C4orf54: variants seen among roughly 807,000 people sequenced by gnomAD.
C4orf54 encodes the protein chromosome 4 open reading frame 54.
Under a neutral mutation model 80.1 loss-of-function variants are expected in C4orf54, and 67 were observed. The ratio of observed to expected loss-of-function variants is 0.84; its 90% CI spans 0.69 to 1.03. The LOEUF (loss-of-function observed/expected upper bound fraction) is 1.03, where lower values mean the gene tolerates loss of function less well. C4orf54 is among the 50% of genes least tolerant of loss of function. The pLI, the probability that C4orf54 is intolerant of heterozygous loss-of-function variation, is 0.00. For missense variants in C4orf54, 2,434 were observed against 2,253.5 expected (o/e 1.08, Z -1.62); for synonymous variants, 1,000 against 917.0 (o/e 1.09, Z -1.64).
chr4:99,650,137 A>G lies in C4orf54; in HGVS notation c.4512T>C (p.Cys1504=). Residue 1504 remains cysteine (C), a synonymous_variant, in exon 2 of 3, where the codon TGT becomes TGC. Coordinates refer to ENST00000511828, the MANE Select transcript of C4orf54 (RefSeq NM_001354435.2). Reference sequence around the variant, plus strand: ...TGCGGGCACTCAGCGGGGGTAAACTACAGAGAGTGGCAGCTGAGGAGTTGG... The same window carrying G: ...TGCGGGCACTCAGCGGGGGTAAACTGCAGAGAGTGGCAGCTGAGGAGTTGG... ...GPPNSSAATL[C]SLPPLSARSQ... 1 of 1,535,886 alleles carries G rather than the reference A, an allele frequency of 6.5e-7. No homozygotes were observed. Among genetic ancestry groups the G allele is most frequent in the South Asian group, 1.2e-5 (1 of 84,046 alleles).
At chr4:99,648,299 A>C (rs1199739209) in intron 2 of C4orf54, among the ~76,000 whole-genome samples, 1 of 152,156 alleles carries the variant, frequency 6.6e-6, no homozygotes, top group African/African-American at 2.4e-5. Flanking sequence ...CTGTATTTCC[A>C]GGGATTCCTG....
chr4:99,651,754 C>T lies in C4orf54; in HGVS notation c.2895G>A (p.Lys965=), dbSNP rs1560639203. 2 of 1,536,092 alleles carry T rather than the reference C, an allele frequency of 1.3e-6. No individual in the cohort carries two copies. The highest frequency in any genetic ancestry group is 1.2e-5 in the South Asian group (1 of 84,048). ...CCCGCCAGTCGCCTCCTTTGGGCAG[C>T]TTCAGCTTCCCTATAGGGGCTTGTT... ...REEQAPIGKL[K]LPKGGDWRAD... is the part of the protein sequence containing the mutation. Residue 965 remains lysine, a synonymous_variant, in exon 2 of 3, where the codon AAG becomes AAA. Transcript: ENST00000511828.
chr4:99,649,731 T>A lies in C4orf54; in HGVS notation c.4918A>T (p.Thr1640Ser). Reference protein sequence around the residue: ...PMTRRLFDPETGQYVDVPMTS... With the variant: ...PMTRRLFDPESGQYVDVPMTS... The stretch of plus-strand genomic sequence containing the variant: ...ATGGGCACATCCACATACTGCCCTG[T>A]CTCAGGGTCAAACAGTCTCCGGGTC... Residue 1640 changes from threonine to serine, a missense_variant, in exon 2 of 3, where the codon ACA (threonine) becomes TCA (serine). Coordinates refer to ENST00000511828, the MANE Select transcript of C4orf54 (RefSeq NM_001354435.2). 1 of 1,536,138 alleles carries A rather than the reference T, an allele frequency of 6.5e-7. No individual in the cohort carries two copies. The highest frequency in any genetic ancestry group is 1.2e-5 in the South Asian group (1 of 84,056).
chr4:99,656,390 G>T (rs556403593), intron 1 of C4orf54, among the ~76,000 whole-genome samples: 2 of 151,234 alleles, frequency 1.3e-5, no homozygotes, highest in Non-Finnish European at 2.9e-5. Flanking sequence ...AGCAATTCTC[G>T]TACCTCAGCC....
At position 99,652,146 on chromosome 4, in the gene C4orf54, T is replaced by G. The variant is rs759124229; in HGVS notation, c.2503A>C (p.Met835Leu). The G allele has an allele frequency of 1.3e-6, 2 of 1,536,098 alleles. No homozygotes were observed. The highest frequency in any genetic ancestry group is 2.4e-5 in the South Asian group (2 of 84,062). Residue 835 changes from methionine to leucine, a missense_variant, in exon 2 of 3, where the codon ATG (methionine) becomes CTG (leucine). Coordinates refer to ENST00000511828, the MANE Select transcript of C4orf54 (RefSeq NM_001354435.2). ...CCTGAGAGGTGGTGGGATGTATCCA[T>G]GACTTCTCCCCTCTCCATTTTGAAC... ...HEFKMERGEV[M>L]DTSHHLSGTS... is the part of the protein sequence containing the mutation.
At chr4:99,643,792 A>ACACACACACACACACAC (rs61130907) in intron 2 of C4orf54, among the ~76,000 whole-genome samples, 2 of 98,860 alleles carry the variant, frequency 2.0e-5, no homozygotes, top group East Asian at 3.1e-4. Flanking sequence ...ACACACACAC[A>ACACACACACACACACAC]CCCCCTCCGC....
Position 99,653,124 on chromosome 4 carries a change from C to A in C4orf54, c.1525G>T (p.Ala509Ser), listed in dbSNP as rs1468765798. The A allele has an allele frequency of 2.0e-6, 3 of 1,536,142 alleles. No individual in the cohort carries two copies. The highest frequency in any genetic ancestry group is 1.2e-5 in the South Asian group (1 of 84,062). ...CTTGCTGCACTCCCACAGCTGCTTG[C>A]GGCGGCGGCTGCTGCCCCTGAAGCT... ...EAASGAAAAAASSCGSAASQI... is the reference protein window; with the variant it reads ...EAASGAAAAASSSCGSAASQI... The change falls in exon 2 of 3, where the codon GCA becomes TCA. Residue 509 changes from alanine (A) to serine (S), a missense_variant. By Grantham distance (99) the Ala-to-Ser change is moderately conservative. Transcript: ENST00000511828.
chr4:99,650,909 G>A lies in C4orf54; in HGVS notation c.3740C>T (p.Thr1247Met). The A allele has an allele frequency of 6.5e-7, 1 of 1,536,022 alleles. No individual in the cohort carries two copies. Among genetic ancestry groups the A allele is most frequent in the Non-Finnish European group, 8.7e-7 (1 of 1,146,824 alleles). ...CTCCAGGGCATTCCGGGCTGGCTTC[G>A]TGGCTTTCCCTTCCTCCTTGACCTC... ...EEEVKEEGKA[T>M]KPARNALEKL... Residue 1247 changes from threonine to methionine, a missense_variant, in exon 2 of 3, where the codon ACG (threonine) becomes ATG (methionine). Coordinates refer to ENST00000511828, the MANE Select transcript of C4orf54 (RefSeq NM_001354435.2).
At position 99,649,926 on chromosome 4, in the gene C4orf54, G is replaced by C; in HGVS notation, c.4723C>G (p.Gln1575Glu). 1 of 1,530,046 alleles carries C rather than the reference G, an allele frequency of 6.5e-7. No homozygotes were observed. The highest frequency in any genetic ancestry group is 8.8e-7 in the Non-Finnish European group (1 of 1,142,242). The allele number at this position is 1,530,046 out of a possible 1,614,324, so 94.8% of individuals were successfully genotyped here. A position where few individuals can be genotyped will look rare whatever the true frequency, so the allele number is the denominator to read the frequency against. Residue 1575 changes from glutamine to glutamate, a missense_variant, in exon 2 of 3, where the codon CAG becomes GAG. Coordinates refer to ENST00000511828, the MANE Select transcript of C4orf54 (RefSeq NM_001354435.2). Reference sequence around the variant, plus strand: ...CTGGGTGGGGAGAAGCAGAGGACCTGAGGCTGGGCCCCCTGTAGGGTGAAG... The same window carrying C: ...CTGGGTGGGGAGAAGCAGAGGACCTCAGGCTGGGCCCCCTGTAGGGTGAAG... ...LPFTLQGAQP[Q>E]VLCFSPPSMP...
At position 99,654,158 on chromosome 4, in the gene C4orf54, C is replaced by G. The variant is rs932279704; in HGVS notation, c.491G>C (p.Gly164Ala). ...SKARQAEVGD[G>A]VSSAQDSQEL... Reference sequence around the variant, plus strand: ...CTGGCTGTCTTGAGCACTGCTCACCCCGTCCCCCACCTCCGCCTGTCTTGC... The same window carrying G: ...CTGGCTGTCTTGAGCACTGCTCACCGCGTCCCCCACCTCCGCCTGTCTTGC... Residue 164 changes from glycine to alanine, a missense_variant, in exon 2 of 3, where the codon GGG becomes GCG. Gly to Ala is a moderately conservative substitution (Grantham distance 60, BLOSUM62 0). Coordinates refer to ENST00000511828, the MANE Select transcript of C4orf54 (RefSeq NM_001354435.2). 2.0e-6 allele frequency: 3 copies of G among 1,536,010 alleles called. No homozygotes were observed. The highest frequency in any genetic ancestry group is 2.6e-6 in the Non-Finnish European group (3 of 1,146,912).
chr4:99,648,348 T>C (rs1393814727), intron 2 of C4orf54, among the ~76,000 whole-genome samples: 2 of 152,214 alleles, frequency 1.3e-5, no homozygotes, highest in African/African-American at 2.4e-5. Context: ...AGGAATCTAT[T>C]TACCCTGATT....
Position 99,653,039 on chromosome 4 carries a change from C to A in C4orf54, c.1610G>T (p.Arg537Leu), listed in dbSNP as rs1044448202. The change falls in exon 2 of 3, where the codon CGT becomes CTT. Residue 537 changes from arginine (R) to leucine (L), a missense_variant. Coordinates refer to ENST00000511828, the MANE Select transcript of C4orf54 (RefSeq NM_001354435.2). ...SRAINEPSNV[R>L]AKQNIIYAAK... ...AGCATAAATAATGTTTTGCTTTGCA[C>A]GCACGTTGCTAGGCTCATTTATAGC... 2.6e-6 allele frequency: 4 copies of A among 1,536,136 alleles called. No individual in the cohort carries two copies. The highest frequency in any genetic ancestry group is 1.7e-4 in the Middle Eastern group (1 of 5,988).
chr4:99,655,819 C>T (rs554740527), intron 1 of C4orf54, among the ~76,000 whole-genome samples: 1 of 152,324 alleles, frequency 6.6e-6, no homozygotes, highest in South Asian at 2.1e-4. Flanking sequence ...GTCTATGTGT[C>T]ACTTATGCCG....
At chr4:99,656,399 C>G (rs1400239885) in intron 1 of C4orf54, among the ~76,000 whole-genome samples, 2 of 151,986 alleles carry the variant, frequency 1.3e-5, no homozygotes, top group Non-Finnish European at 2.9e-5. Context: ...CGTACCTCAG[C>G]CTCCTTAGCA....
chr4:99,643,062 A>C (rs1226968796), intron 2 of C4orf54, among the ~76,000 whole-genome samples: 3 of 152,184 alleles, frequency 2.0e-5, no homozygotes, highest in Non-Finnish European at 4.4e-5. Context: ...GCACAGGTCC[A>C]TGATGCTTAC....
chr4:99,651,691 G>A lies in C4orf54; in HGVS notation c.2958C>T (p.Ile986=). The part of the protein sequence containing the change: ...LGEISASKNT[I]MSRLFVPNIQ... ...TGTTGGGGACAAAGAGGCGAGACAT[G>A]ATGGTGTTCTTGCTGGCAGAAATCT... The change falls in exon 2 of 3, where the codon ATC becomes ATT. Residue 986 remains isoleucine (I), a synonymous_variant. Transcript: ENST00000511828. 1 of 1,536,058 alleles carries A rather than the reference G, an allele frequency of 6.5e-7. No homozygotes were observed. The highest frequency in any genetic ancestry group is 8.7e-7 in the Non-Finnish European group (1 of 1,146,888).
chr4:99,649,817 T>C lies in C4orf54; in HGVS notation c.4832A>G (p.Lys1611Arg), dbSNP rs1408736275. ...QQAQPQQTQR[K>R]MLLDVTTGQY... The stretch of plus-strand genomic sequence containing the variant: ...GCCTGTTGTCACATCCAGGAGCATC[T>C]TACGCTGGGTCTGTTGAGGCTGTGC... The change falls in exon 2 of 3, where the codon AAG becomes AGG. Residue 1611 changes from lysine to arginine, a missense_variant. By Grantham distance (26) the Lys-to-Arg change is conservative. Coordinates refer to ENST00000511828, the MANE Select transcript of C4orf54 (RefSeq NM_001354435.2). 2 of 1,535,958 alleles carry C rather than the reference T, an allele frequency of 1.3e-6. No homozygotes were observed. Among genetic ancestry groups the C allele is most frequent in the East Asian group, 4.9e-5 (2 of 40,906 alleles).
chr4:99,640,921 G>A lies in C4orf54; in HGVS notation c.*312C>T, dbSNP rs944641454. 1 of 152,108 alleles carries A rather than the reference G, an allele frequency of 6.6e-6. No individual in the cohort carries two copies. The highest frequency in any genetic ancestry group is 2.1e-4 in the South Asian group (1 of 4,826). 9.4% of individuals were successfully genotyped at this position (152,108 alleles called of 1,614,324 possible). ...TCTAGTCACAAGTACAGGGGGGAAG[G>A]AGGTGAATAGAAAGCTTATATCCTG... On this transcript the variant is annotated 3_prime_UTR_variant, in exon 3 of 3. Coordinates refer to ENST00000511828, the MANE Select transcript of C4orf54 (RefSeq NM_001354435.2).
At chr4:99,641,803 T>C (rs1446973890) in intron 2 of C4orf54, among the ~76,000 whole-genome samples, 2 of 152,178 alleles carry the variant, frequency 1.3e-5, no homozygotes. Flanking sequence ...TTCTAGTATA[T>C]CTACCAGAAC....
Sources: gnomAD v4.1 joint callset for allele counts (sites outside exome capture counted in the v4.1 genomes callset) on GRCh38, gnomAD v4.1.1 for gene constraint, MANE v1.5 for transcripts, NCBI Gene and HGNC (gene_info 2026-07-23, HGNC 2026-07-21) for gene names.